The following TTYH2 variants were observed in gnomAD, a reference collection of about 807,000 sequenced individuals.
TTYH2 encodes protein tweety homolog 2.
TTYH2 carries 49 observed loss-of-function variants against 68.3 expected under a neutral mutation model. The ratio of observed to expected loss-of-function variants is 0.72; its 90% confidence interval spans 0.57 to 0.91. TTYH2 has a LOEUF of 0.91. TTYH2 is among the 40% of genes least tolerant of loss of function. The probability of loss-of-function intolerance (pLI) is 0.00; values close to 1 mark genes in which losing one functional copy is unlikely to be tolerated. For synonymous variants in TTYH2, 272 were observed against 300.8 expected, an observed-to-expected ratio of 0.90 and a Z score of 0.99; for missense variants, 631 against 700.4, an observed-to-expected ratio of 0.90 and a Z score of 1.12.
chr17:74,248,866 G>T, intron 6 of TTYH2, 145 bp from the exon 7 acceptor site: 1 of 1,492,492 alleles, frequency 6.7e-7, no homozygotes, highest in South Asian at 1.3e-5. Context: ...AGCCAGGTTT[G>T]AACCCAGGAG....
In TTYH2 at chr17:74,241,592, G is replaced by A. The variant is rs139137228; in HGVS notation, c.636-1782G>A. On this transcript the variant is annotated intron_variant, in intron 4 of 13. Transcript: ENST00000269346. The surrounding 1 kb of genome is among the most constrained non-coding windows in gnomAD (Gnocchi z 4.1). ...GCTTGCTCCCTCCCCTCTCTCCCTCGGAGCCTCTTTGCCACTTTCTGCCAG... is the reference window on the plus strand; with the variant it reads ...GCTTGCTCCCTCCCCTCTCTCCCTCAGAGCCTCTTTGCCACTTTCTGCCAG... 6.3e-4 allele frequency among the ~76,000 whole-genome samples: 96 copies of A among 152,114 alleles called. 1 individual carries two copies. The highest frequency in any genetic ancestry group is 1.8e-3 in the African/African-American group (74 of 41,490).
intron 3 of TTYH2, among the ~76,000 whole-genome samples, chr17:74,233,949 G>A (rs967347420): frequency 6.6e-6 from 1 of 152,188 alleles, no homozygotes; most frequent in Admixed American, 6.5e-5. Context: ...GGTTGAAAAT[G>A]TGTATGTTTC....
In TTYH2 at chr17:74,249,116, A is replaced by G. The variant is rs746410753; in HGVS notation, c.874+36A>G. ...ACTCTCAGGCTGCTGCTGTGGATGC[A>G]TAGGTGGCCGGACTCTGTGCCCCTA... On this transcript the variant is annotated intron_variant, in intron 7 of 13. Transcript: ENST00000269346. 5 of 1,613,054 alleles carry G rather than the reference A, an allele frequency of 3.1e-6. No individual in the cohort carries two copies. In the African/African-American group the frequency reaches 5.4e-5, roughly 17 times the overall value.
At chr17:74,256,300 C>G (rs1396884839) in intron 13 of TTYH2, among the ~76,000 whole-genome samples, 1 of 152,110 alleles carries the variant, frequency 6.6e-6, no homozygotes, top group Non-Finnish European at 1.5e-5. Context: ...TTTTCATTAC[C>G]ACGCTTGGAG....
intron 1 of TTYH2, among the ~76,000 whole-genome samples, chr17:74,220,642 T>C (rs987787385): frequency 2.6e-5 from 4 of 152,198 alleles, no homozygotes; most frequent in African/African-American, 9.6e-5. Context: ...TTTCTATCCC[T>C]GGGCTTGCTG....
chr17:74,233,004 C>G (rs1453322575), intron 3 of TTYH2, among the ~76,000 whole-genome samples: 2 of 152,174 alleles, frequency 1.3e-5, no homozygotes, highest in African/African-American at 4.8e-5. Flanking sequence ...ACAGCAGGCC[C>G]CACTCTCTGA....
chr17:74,252,528 T>C, intron 11 of TTYH2, 152 bp downstream of exon 11: 2 of 1,017,962 alleles, frequency 2.0e-6, no homozygotes, highest in South Asian at 3.4e-5. Flanking sequence ...CTGGCTGACT[T>C]CTACAGAAGC....
At chr17:74,249,567 G>A (rs1280632851) in intron 8 of TTYH2, among the ~76,000 whole-genome samples, 168 bp downstream of exon 8, 1 of 152,194 alleles carries the variant, frequency 6.6e-6, no homozygotes, top group Non-Finnish European at 1.5e-5. Context: ...GTGGGTTCTA[G>A]ATTGGTGGTT....
chr17:74,260,403 CTT>C lies in TTYH2; in HGVS notation c.*197_*198del. The stretch of plus-strand genomic sequence containing the variant: ...ACTCACCACGCGGGCCAGCCTCTCT[CTT>C]TTGCCCTGCTCTCCACACCAGAAAT... On this transcript the variant is annotated 3_prime_UTR_variant, in exon 14 of 14. Transcript: ENST00000269346. The C allele has an allele frequency of 1.6e-6, 1 of 607,170 alleles. No homozygotes were observed. Among genetic ancestry groups the C allele is most frequent in the Non-Finnish European group, 2.9e-6 (1 of 340,006 alleles). 37.6% of individuals were successfully genotyped at this position (607,170 alleles called of 1,614,324 possible). A position where few individuals can be genotyped will look rare whatever the true frequency, so the allele number is the denominator to read the frequency against.
chr17:74,251,286 G>A (rs2050623898), intron 10 of TTYH2, among the ~76,000 whole-genome samples: 2 of 149,978 alleles, frequency 1.3e-5, no homozygotes, highest in Non-Finnish European at 3.0e-5. Context: ...TGTCTGTGAT[G>A]TGTGTGGTGT....
chr17:74,228,630 G>A (rs1190627436), intron 2 of TTYH2, among the ~76,000 whole-genome samples: 1 of 152,184 alleles, frequency 6.6e-6, no homozygotes, highest in African/African-American at 2.4e-5. Flanking sequence ...ATAGGAAGGA[G>A]GAGAGACTGG....
At chr17:74,226,717 C>T (rs1044474936) in intron 2 of TTYH2, among the ~76,000 whole-genome samples, 1 of 152,036 alleles carries the variant, frequency 6.6e-6, no homozygotes, top group Non-Finnish European at 1.5e-5. Flanking sequence ...CCTGAAAAAG[C>T]AAAAGGGATA....
intron 2 of TTYH2, among the ~76,000 whole-genome samples, chr17:74,224,403 C>G (rs8074619): frequency 0.18 from 27,929 of 152,022 alleles, 8,183 homozygotes; most frequent in African/African-American, 0.62. Flanking sequence ...CACACACACA[C>G]AGATACACAC....
chr17:74,224,435 C>T (rs1413542413), intron 2 of TTYH2, among the ~76,000 whole-genome samples: 1 of 152,100 alleles, frequency 6.6e-6, no homozygotes, highest in Non-Finnish European at 1.5e-5. Context: ...CACACAGATA[C>T]CCACACGACA....
intron 4 of TTYH2, among the ~76,000 whole-genome samples, chr17:74,242,699 TA>T (rs1351009431): frequency 6.6e-6 from 1 of 152,146 alleles, no homozygotes; most frequent in Admixed American, 6.5e-5. Flanking sequence ...GTCCTGAACC[TA>T]AAAGTCTTAA....
Position 74,260,117 on chromosome 17 carries a change from C to A in TTYH2, c.1525-12C>A. On this transcript the variant is annotated splice_polypyrimidine_tract_variant and intron_variant, in intron 13 of 13. Coordinates refer to ENST00000269346, the MANE Select transcript of TTYH2 (RefSeq NM_032646.6). ...CTCAGCTCTGACCATCCCCTCTCTT[C>A]TCTCTTGGCAGTACTCTCCCAGCAT... is the stretch of plus-strand genomic sequence containing the variant. 6.2e-7 allele frequency: 1 copy of A among 1,613,242 alleles called. No homozygotes were observed. The highest frequency in any genetic ancestry group is 2.2e-5 in the East Asian group (1 of 44,880).
intron 11 of TTYH2, among the ~76,000 whole-genome samples, chr17:74,252,659 C>G (rs759941314): frequency 1.2e-4 from 19 of 152,230 alleles, no homozygotes; most frequent in Non-Finnish European, 2.1e-4. Context: ...TCTCTTCTCA[C>G]CAGGACTTTG....
At position 74,215,720 on chromosome 17, in the gene TTYH2, C is replaced by A; in HGVS notation, c.129+2004C>A. 2.6e-6 allele frequency: 4 copies of A among 1,535,566 alleles called. No individual in the cohort carries two copies. The highest frequency in any genetic ancestry group is 3.5e-6 in the Non-Finnish European group (4 of 1,146,756). On this transcript the variant is annotated intron_variant, in intron 1 of 13. Transcript: ENST00000269346. The surrounding 1 kb of genome is among the most constrained non-coding windows in gnomAD (Gnocchi z 4.3). ...AGGTGGCTCCTGTTTTTGGTAAGTT[C>A]CCCTGTTGTGACCACAGGTCTCTCC...
chr17:74,260,525 G>C lies in TTYH2; in HGVS notation c.*316G>C. The C allele has an allele frequency of 2.6e-6, 1 of 384,668 alleles. No homozygotes were observed. Among genetic ancestry groups the C allele is most frequent in the Non-Finnish European group, 4.9e-6 (1 of 202,556 alleles). The allele number at this position is 384,668 out of a possible 1,614,324, so 23.8% of individuals were successfully genotyped here. A position where few individuals can be genotyped will look rare whatever the true frequency, so the allele number is the denominator to read the frequency against. ...GCCTCGCCCTTGCCAGGAGGGGAGT[G>C]GCAGTGAGGAGGGGGCCAGGTCAGG... On this transcript the variant is annotated 3_prime_UTR_variant, in exon 14 of 14. Transcript: ENST00000269346.
Sources: allele counts gnomAD v4.1 joint callset (sites outside exome capture counted in the v4.1 genomes callset), GRCh38; gene constraint gnomAD v4.1.1; non-coding constraint Gnocchi (gnomAD v3.1); transcripts MANE v1.5; gene names NCBI Gene and HGNC (gene_info 2026-07-23, HGNC 2026-07-21).